ARFGEF3: variants seen among roughly 807,000 people sequenced by gnomAD.
ARFGEF3 encodes ARFGEF family member 3.
Under a neutral mutation model 221.7 loss-of-function variants are expected in ARFGEF3, and 96 were observed. The ratio of observed to expected loss-of-function variants is 0.43; its 90% confidence interval spans 0.37 to 0.51. The LOEUF (loss-of-function observed/expected upper bound fraction) is 0.51. Ranked by LOEUF, ARFGEF3 falls within the 20% of genes least tolerant of loss-of-function variation. The pLI, the probability that ARFGEF3 is intolerant of heterozygous loss-of-function variation, is 0.00. For missense variants in ARFGEF3, 2,410 were observed against 2,789.9 expected (o/e 0.86, Z 3.07); for synonymous variants, 1,145 against 1,126.8 (o/e 1.02, Z -0.32).
chr6:138,240,324 TTAA>T (rs1778370979), intron 6 of ARFGEF3, among the ~76,000 whole-genome samples: 1 of 152,230 alleles, frequency 6.6e-6, no homozygotes, highest in South Asian at 2.1e-4. Flanking sequence ...AAACACTATA[TTAA>T]TAATATCCTA....
Position 138,324,019 on chromosome 6 carries a change from C to T in ARFGEF3, c.4870-4C>T, listed in dbSNP as rs763576573. ...TTCAGTGAGCATCTGCTGTTTCTCC[C>T]CAGGACCTGCTGGGCTGCTTCCACA... On this transcript the variant is annotated splice_region_variant and splice_polypyrimidine_tract_variant and intron_variant, in intron 30 of 33. Transcript: ENST00000251691. 11 of 1,612,730 alleles carry T rather than the reference C, an allele frequency of 6.8e-6. No homozygotes were observed. The highest frequency in any genetic ancestry group is 9.3e-6 in the Non-Finnish European group (11 of 1,179,264).
rs547524420 is a variant in ARFGEF3, at chr6:138,314,912, C to G, written c.4345+973C>G. On this transcript the variant is annotated intron_variant, in intron 26 of 33. Coordinates refer to ENST00000251691, the MANE Select transcript of ARFGEF3 (RefSeq NM_020340.5). The stretch of plus-strand genomic sequence containing the variant: ...TCTGCTTAAAGTTTCCATGGACTTT[C>G]CAAAAACATCACTTTACAATGGATG... 3.1e-4 allele frequency among the ~76,000 whole-genome samples: 47 copies of G among 152,286 alleles called. No homozygotes were observed. In the Middle Eastern group the frequency reaches 0.014, roughly 44 times the overall value.
chr6:138,291,689 G>A lies in ARFGEF3; in HGVS notation c.3048-44G>A, dbSNP rs1312948292. 5 of 1,271,576 alleles carry A rather than the reference G, an allele frequency of 3.9e-6. No homozygotes were observed. The highest frequency in any genetic ancestry group is 5.0e-6 in the Non-Finnish European group (5 of 991,390). The allele number at this position is 1,271,576 out of a possible 1,614,324, so 78.8% of individuals were successfully genotyped here. A position where few individuals can be genotyped will look rare whatever the true frequency, so the allele number is the denominator to read the frequency against. On this transcript the variant is annotated intron_variant, in intron 18 of 33. Transcript: ENST00000251691. The surrounding 1 kb of genome is among the most constrained non-coding windows in gnomAD (Gnocchi z 4.5). ...CTGTGGGGTTTATGGAGCTGCCGGG[G>A]TGAGCTGCAGCGCCTAACAGCTGCT...
At chr6:138,318,143 TTTATA>T (rs1464693553) in intron 27 of ARFGEF3, among the ~76,000 whole-genome samples, 1 of 152,142 alleles carries the variant, frequency 6.6e-6, no homozygotes, top group South Asian at 2.1e-4. Context: ...TATAGCAAAG[TTTATA>T]TTATTTTTTA....
At chr6:138,199,080 A>C (rs1777486024) in intron 2 of ARFGEF3, among the ~76,000 whole-genome samples, 1 of 152,192 alleles carries the variant, frequency 6.6e-6, no homozygotes, top group Non-Finnish European at 1.5e-5. Flanking sequence ...TGTCTATTTA[A>C]TATTTTTTTA....
chr6:138,301,023 A>G lies in ARFGEF3; in HGVS notation c.3828+2238A>G, dbSNP rs914092649. Among the ~76,000 whole-genome samples the G allele has an allele frequency of 3.3e-5, 5 of 152,264 alleles. No homozygotes were observed. The East Asian group carries it at 7.7e-4, about 23-fold the overall frequency. On this transcript the variant is annotated intron_variant, in intron 22 of 33. Transcript: ENST00000251691. ...AGGAAATAACATGTCATTGAAAACAAAAGTTTAAAAAACAAACAATAAACA... is the reference window on the plus strand; with the variant it reads ...AGGAAATAACATGTCATTGAAAACAGAAGTTTAAAAAACAAACAATAAACA...
intron 2 of ARFGEF3, among the ~76,000 whole-genome samples, chr6:138,173,454 G>A (rs1776880092): frequency 6.6e-6 from 1 of 151,776 alleles, no homozygotes; most frequent in Non-Finnish European, 1.5e-5. Context: ...CTGGGTTTGT[G>A]ATAAAAGGTA....
chr6:138,192,912 T>A (rs1352200812), intron 2 of ARFGEF3, among the ~76,000 whole-genome samples: 1 of 148,632 alleles, frequency 6.7e-6, no homozygotes, highest in Non-Finnish European at 1.5e-5. Context: ...ACTCCAAACA[T>A]TTTTTTTTTA....
chr6:138,259,330 C>G (rs574126839), intron 10 of ARFGEF3, among the ~76,000 whole-genome samples: 2 of 152,198 alleles, frequency 1.3e-5, no homozygotes, highest in Non-Finnish European at 2.9e-5. Context: ...GCCTGTTGAT[C>G]AAGGACATAC....
intron 1 of ARFGEF3, among the ~76,000 whole-genome samples, chr6:138,163,513 GGCCCAATTGT>G (rs1776659959): frequency 6.6e-6 from 1 of 152,138 alleles, no homozygotes; most frequent in South Asian, 2.1e-4. Flanking sequence ...GATAAAGCAG[GGCCCAATTGT>G]GCTTTAAACA....
chr6:138,199,449 A>G (rs1338942081), intron 2 of ARFGEF3, among the ~76,000 whole-genome samples: 1 of 152,178 alleles, frequency 6.6e-6, no homozygotes, highest in Non-Finnish European at 1.5e-5. Flanking sequence ...ACATTCAGGA[A>G]TGTATTTGGG....
At chr6:138,260,130 G>A (rs1421202989) in intron 10 of ARFGEF3, among the ~76,000 whole-genome samples, 3 of 152,158 alleles carry the variant, frequency 2.0e-5, no homozygotes, top group Non-Finnish European at 4.4e-5. Context: ...GAGAGAGAGA[G>A]AGGGAAAGAG....
intron 4 of ARFGEF3, among the ~76,000 whole-genome samples, chr6:138,222,472 C>A (rs191219440): frequency 6.6e-6 from 1 of 151,962 alleles, no homozygotes; most frequent in Non-Finnish European, 1.5e-5. Flanking sequence ...CCTCAGGGGA[C>A]GTTTAGCAAT....
rs551584365 is a variant in ARFGEF3 at position 138,229,212 on chromosome 6, A to G, written c.352-572A>G. Among the ~76,000 whole-genome samples, 25 of 152,378 alleles carry G rather than the reference A, an allele frequency of 1.6e-4. No homozygotes were observed. In the South Asian group the frequency reaches 5.2e-3, roughly 32 times the overall value. ...GGATTTGGGAAAGGGATAGGAATAG[A>G]AAATGACACTGACATTTGAGTTTCA... On this transcript the variant is annotated intron_variant, in intron 4 of 33. Transcript: ENST00000251691.
intron 5 of ARFGEF3, among the ~76,000 whole-genome samples, chr6:138,233,789 A>G (rs1298037102): frequency 1.3e-5 from 2 of 152,216 alleles, no homozygotes; most frequent in Non-Finnish European, 2.9e-5. Context: ...AAAAGTACAC[A>G]GATGCCTTGA....
intron 31 of ARFGEF3, among the ~76,000 whole-genome samples, chr6:138,325,752 A>G (rs1001331100): frequency 3.3e-5 from 5 of 152,222 alleles, no homozygotes; most frequent in East Asian, 1.9e-4. Context: ...GAAAAAGTCA[A>G]TGGGATCTTC....
rs1003576865 is a variant in ARFGEF3 at position 138,308,933 on chromosome 6, C to T, written c.4096+72C>T. 5.1e-6 allele frequency: 8 copies of T among 1,577,792 alleles called. No homozygotes were observed. In the African/African-American group the frequency reaches 9.4e-5, roughly 19 times the overall value. The stretch of plus-strand genomic sequence containing the variant: ...TCCAGGGTGGCTCTGTGGCTGGAGA[C>T]AGGGCCTACTGACTGTCTGGAACAA... On this transcript the variant is annotated intron_variant, in intron 24 of 33. Transcript: ENST00000251691.
intron 2 of ARFGEF3, among the ~76,000 whole-genome samples, chr6:138,198,590 C>A (rs551060607): frequency 1.3e-5 from 2 of 152,242 alleles, no homozygotes; most frequent in East Asian, 3.9e-4. Context: ...TTGAGTGTCA[C>A]CACAGTGAGG....
chr6:138,190,688 G>A lies in ARFGEF3; in HGVS notation c.138-16354G>A, dbSNP rs185837990. ...CATTTTATAGCTGAGTGTGCGATTC[G>A]AACAGGAACAGTTCTCAGTGCTGTG... is the stretch of plus-strand genomic sequence containing the variant. On this transcript the variant is annotated intron_variant, in intron 2 of 33. Transcript: ENST00000251691. Among the ~76,000 whole-genome samples, 503 of 152,266 alleles carry A rather than the reference G, an allele frequency of 3.3e-3. 2 individuals are homozygous for A. Among genetic ancestry groups the A allele is most frequent in the Non-Finnish European group, 5.4e-3 (369 of 68,020 alleles).
Sources: gnomAD v4.1 joint callset for allele counts (sites outside exome capture counted in the v4.1 genomes callset) on GRCh38, gnomAD v4.1.1 for gene constraint, Gnocchi (gnomAD v3.1) non-coding constraint, MANE v1.5 for transcripts, NCBI Gene and HGNC (gene_info 2026-07-23, HGNC 2026-07-21) for gene names.